The following ZNF644 variants were observed in gnomAD, a reference collection of about 807,000 sequenced individuals.
The protein encoded by ZNF644 is zinc finger motif enhancer binding protein 2.
ZNF644 carries 20 observed loss-of-function variants against 108.0 expected under a neutral mutation model. The ratio of observed to expected loss-of-function variants is 0.19; its 90% confidence interval spans 0.13 to 0.27. ZNF644 has a LOEUF of 0.27. ZNF644 is among the 10% of genes least tolerant of loss of function. The probability of loss-of-function intolerance (pLI) is 1.00; values close to 1 mark genes in which losing one functional copy is unlikely to be tolerated. For synonymous variants in ZNF644, 542 were observed against 539.1 expected (o/e 1.01, Z -0.08); for missense variants, 1,338 against 1,548.9 (o/e 0.86, Z 2.29).
chr1:91,002,960 G>A (rs1036255673), intron 1 of ZNF644, among the ~76,000 whole-genome samples: 4 of 151,668 alleles, frequency 2.6e-5, no homozygotes, highest in African/African-American at 4.8e-5. Flanking sequence ...TCAGAGAAAT[G>A]CAAATCAAAA....
intron 2 of ZNF644, among the ~76,000 whole-genome samples, chr1:90,964,296 T>C: frequency 6.6e-6 from 1 of 152,190 alleles, no homozygotes; most frequent in Middle Eastern, 3.4e-3. Context: ...TTAATTACTA[T>C]TAAAGTTGAA....
intron 2 of ZNF644, among the ~76,000 whole-genome samples, chr1:90,975,436 C>CTTTTT (rs1243944087): frequency 1.5e-5 from 2 of 135,360 alleles, no homozygotes; most frequent in African/African-American, 5.5e-5. Context: ...CAAATATCTA[C>CTTTTT]TTTTTTTTTT....
At chr1:90,997,044 G>C (rs913290958) in intron 1 of ZNF644, among the ~76,000 whole-genome samples, 13 of 152,170 alleles carry the variant, frequency 8.5e-5, no homozygotes, top group African/African-American at 2.9e-4. Flanking sequence ...ATTGCAGCTG[G>C]CTGAGGGAGA....
intron 2 of ZNF644, among the ~76,000 whole-genome samples, chr1:90,975,675 C>T (rs1466486675): frequency 6.6e-6 from 1 of 152,140 alleles, no homozygotes; most frequent in East Asian, 1.9e-4. Context: ...AACTCCTGAC[C>T]TCAGGCAATT....
At chr1:91,006,602 T>C (rs1659442930) in intron 1 of ZNF644, among the ~76,000 whole-genome samples, 1 of 151,970 alleles carries the variant, frequency 6.6e-6, no homozygotes, top group African/African-American at 2.4e-5. Flanking sequence ...CCAACAAATA[T>C]CCCTTATGAA....
rs1305320272 is a variant in ZNF644 at position 90,937,762 on chromosome 1, C to G, written c.3411G>C (p.Leu1137=). 1 of 1,613,716 alleles carries G rather than the reference C, an allele frequency of 6.2e-7. No individual in the cohort carries two copies. The highest frequency in any genetic ancestry group is 2.2e-5 in the East Asian group (1 of 44,882). The change falls in exon 4 of 6, where the codon CTG becomes CTC. Residue 1137 remains leucine (L), a synonymous_variant. Coordinates refer to ENST00000337393, the MANE Select transcript of ZNF644 (RefSeq NM_201269.3). ...AYRNGLKTEA[L]SVSASEEEGL... is the part of the protein sequence containing the mutation. ...CTTCTTCTTCTGATGCAGACACTGA[C>G]AGAGCTTCAGTCTTTAGGCCATTAC...
At chr1:90,989,648 T>C (rs1409983536) in intron 1 of ZNF644, among the ~76,000 whole-genome samples, 1 of 152,212 alleles carries the variant, frequency 6.6e-6, no homozygotes, top group Non-Finnish European at 1.5e-5. Context: ...GGCTGTTATT[T>C]TTAAAAACCC....
chr1:90,933,452 AG>A (rs2100891363), intron 4 of ZNF644, among the ~76,000 whole-genome samples: 1 of 152,224 alleles, frequency 6.6e-6, no homozygotes, highest in South Asian at 2.1e-4. Flanking sequence ...GCCTGAGGTC[AG>A]GAGTTCGAGA....
At chr1:91,015,455 A>G (rs1462717193) in intron 1 of ZNF644, among the ~76,000 whole-genome samples, 1 of 152,206 alleles carries the variant, frequency 6.6e-6, no homozygotes, top group Non-Finnish European at 1.5e-5. Flanking sequence ...CGTACATTAC[A>G]AATACGCATA....
chr1:90,973,753 G>A (rs1043800117), intron 2 of ZNF644, among the ~76,000 whole-genome samples: 5 of 152,072 alleles, frequency 3.3e-5, no homozygotes, highest in African/African-American at 7.2e-5. Flanking sequence ...TGCAGGAGAC[G>A]TCAATATTTA....
intron 4 of ZNF644, among the ~76,000 whole-genome samples, chr1:90,929,184 A>G (rs1650428482): frequency 6.6e-6 from 1 of 152,212 alleles, no homozygotes; most frequent in South Asian, 2.1e-4. Context: ...TCAGAAAAAA[A>G]AGGAATCTCA....
intron 2 of ZNF644, among the ~76,000 whole-genome samples, chr1:90,949,564 T>A (rs1055244307): frequency 4.6e-5 from 7 of 152,198 alleles, no homozygotes; most frequent in Non-Finnish European, 1.0e-4. Flanking sequence ...GGGTTTTGCA[T>A]CCTCAGATTC....
chr1:90,981,288 T>C (rs1399798222), intron 2 of ZNF644, among the ~76,000 whole-genome samples: 1 of 152,104 alleles, frequency 6.6e-6, no homozygotes, highest in African/African-American at 2.4e-5. Flanking sequence ...GGAGGTACTA[T>C]AACGATCAAT....
chr1:90,997,941 G>A (rs891753470), intron 1 of ZNF644, among the ~76,000 whole-genome samples: 13 of 152,202 alleles, frequency 8.5e-5, no homozygotes, highest in African/African-American at 2.4e-4. Context: ...ATGGAGCCTC[G>A]CTCATTGCTA....
chr1:91,009,628 G>A (rs77936582), intron 1 of ZNF644, among the ~76,000 whole-genome samples: 3,033 of 152,130 alleles, frequency 0.02, 82 homozygotes, highest in African/African-American at 0.069. Context: ...CTTAAGCCAT[G>A]GCTAAAATAC....
intron 2 of ZNF644, among the ~76,000 whole-genome samples, chr1:90,978,278 G>C (rs1285010096): frequency 2.0e-5 from 3 of 151,944 alleles, no homozygotes; most frequent in African/African-American, 4.8e-5. Context: ...CATGAACTCA[G>C]GAGGCGGAGG....
At chr1:90,953,443 G>A (rs965865634) in intron 2 of ZNF644, among the ~76,000 whole-genome samples, 1 of 151,794 alleles carries the variant, frequency 6.6e-6, no homozygotes, top group African/African-American at 2.4e-5. Flanking sequence ...TTAATATGTA[G>A]GTGATGGGTT....
At chr1:90,999,847 A>G (rs1006511141) in intron 1 of ZNF644, among the ~76,000 whole-genome samples, 1 of 152,218 alleles carries the variant, frequency 6.6e-6, no homozygotes, top group African/African-American at 2.4e-5. Context: ...AAGAAGATCT[A>G]CCAAGCAAAT....
chr1:90,966,737 G>C (rs1428197273), intron 2 of ZNF644, among the ~76,000 whole-genome samples: 3 of 115,158 alleles, frequency 2.6e-5, no homozygotes, highest in Non-Finnish European at 5.1e-5. Flanking sequence ...GTGACAGTGA[G>C]ACTCAGTCTC....
Sources: allele counts gnomAD v4.1 joint callset (sites outside exome capture counted in the v4.1 genomes callset), GRCh38; gene constraint gnomAD v4.1.1; transcripts MANE v1.5; gene names NCBI Gene and HGNC (gene_info 2026-07-23, HGNC 2026-07-21).